AFF3: variants seen among roughly 807,000 people sequenced by gnomAD.
AFF3 encodes the protein ALF transcription elongation factor 3.
In AFF3, 32 loss-of-function variants were observed where a neutral mutation model predicts 129.7. That is an observed-to-expected ratio of 0.25 (90% CI 0.19 to 0.33). AFF3 has a LOEUF of 0.33. Among genes scored for constraint, AFF3 ranks in the 10% least tolerant of loss-of-function variants. AFF3 has a pLI of 1.00. For missense variants in AFF3, 1,373 were observed against 1,592.0 expected (o/e 0.86, Z 2.34); for synonymous variants, 644 against 635.4 (o/e 1.01, Z -0.20).
rs2104454536 is a variant in AFF3 at position 99,551,194 on chromosome 2, G to A, written c.*280C>T. 1 of 539,216 alleles carries A rather than the reference G, an allele frequency of 1.9e-6. No homozygotes were observed. The highest frequency in any genetic ancestry group is 3.3e-6 in the Non-Finnish European group (1 of 302,142). The allele number at this position is 539,216 out of a possible 1,614,324, so 33.4% of individuals were successfully genotyped here. On this transcript the variant is annotated 3_prime_UTR_variant, in exon 25 of 25. Transcript: ENST00000672756. ...TGTGTGTGTGTGTGTACTTCCTCTA[G>A]TCAGAAACCTCTGATCACTTTGTCT...
At chr2:100,043,008 G>A (rs1378061613) in intron 4 of AFF3, among the ~76,000 whole-genome samples, 1 of 151,980 alleles carries the variant, frequency 6.6e-6, no homozygotes, top group Non-Finnish European at 1.5e-5. Flanking sequence ...ATGGATGCAG[G>A]TAAGACACAA....
chr2:100,046,311 C>T (rs187702611), intron 4 of AFF3, among the ~76,000 whole-genome samples: 4 of 152,290 alleles, frequency 2.6e-5, no homozygotes, highest in African/African-American at 7.2e-5. Context: ...AGCTAGTCAG[C>T]GGTAACATCA....
intron 10 of AFF3, among the ~76,000 whole-genome samples, chr2:99,739,552 A>G (rs187527775): frequency 1.3e-5 from 2 of 152,296 alleles, no homozygotes; most frequent in Admixed American, 1.3e-4. Flanking sequence ...AAGTATCTCA[A>G]TGCTTAATAA....
At chr2:100,060,968 C>G (rs182507702) in intron 4 of AFF3, among the ~76,000 whole-genome samples, 4 of 152,208 alleles carry the variant, frequency 2.6e-5, no homozygotes, top group African/African-American at 9.7e-5. Context: ...TCTTGAGGAA[C>G]ACTGCCAGGC....
chr2:99,836,172 A>G (rs1688859096), intron 8 of AFF3, among the ~76,000 whole-genome samples: 1 of 152,162 alleles, frequency 6.6e-6, no homozygotes, highest in Non-Finnish European at 1.5e-5. Context: ...ACTTAGGGAA[A>G]CCAAAGAGGG....
chr2:99,785,844 T>C (rs928993699), intron 8 of AFF3, among the ~76,000 whole-genome samples: 2 of 151,868 alleles, frequency 1.3e-5, no homozygotes, highest in Admixed American at 6.6e-5. Flanking sequence ...GCCTCCCGGG[T>C]TCAAGCGATT....
At chr2:99,938,436 G>A (rs536554843) in intron 7 of AFF3, among the ~76,000 whole-genome samples, 31 of 151,898 alleles carry the variant, frequency 2.0e-4, no homozygotes, top group African/African-American at 7.2e-4. Flanking sequence ...CACAGTCGAT[G>A]ATGATGATGA....
At chr2:99,770,744 C>T (rs1002881796) in intron 8 of AFF3, among the ~76,000 whole-genome samples, 11 of 152,150 alleles carry the variant, frequency 7.2e-5, no homozygotes, top group African/African-American at 2.4e-4. Flanking sequence ...GGCAGTGTCT[C>T]CTTCTGGCCC....
At chr2:99,709,859 T>C (rs976362680) in intron 11 of AFF3, among the ~76,000 whole-genome samples, 7 of 152,230 alleles carry the variant, frequency 4.6e-5, no homozygotes, top group African/African-American at 1.7e-4. Flanking sequence ...AAGCAGATTT[T>C]CAAATGAAAT....
At chr2:100,040,878 A>C (rs1685371014) in intron 4 of AFF3, among the ~76,000 whole-genome samples, 1 of 152,238 alleles carries the variant, frequency 6.6e-6, no homozygotes, top group African/African-American at 2.4e-5. Context: ...AGGAGGCCAC[A>C]GGGCATATCA....
chr2:100,096,453 C>T (rs1022454775), intron 4 of AFF3, among the ~76,000 whole-genome samples: 20 of 151,972 alleles, frequency 1.3e-4, no homozygotes, highest in Non-Finnish European at 2.5e-4. Context: ...TAAACGCAAC[C>T]GTCAAGCTTT....
At chr2:99,997,950 C>G (rs1335783016) in intron 7 of AFF3, among the ~76,000 whole-genome samples, 1 of 152,180 alleles carries the variant, frequency 6.6e-6, no homozygotes, top group African/African-American at 2.4e-5. Context: ...CACCCTCCAC[C>G]CCCATGGGCA....
chr2:99,962,850 A>AAATAATAAT lies in AFF3; in HGVS notation c.873+43773_873+43781dup, dbSNP rs70940192. On this transcript the variant is annotated intron_variant, in intron 7 of 24. Coordinates refer to ENST00000672756, the MANE Select transcript of AFF3 (RefSeq NM_001386135.1). ...GGAAAGTATGGATGAAAGAGTATTC[A>AAATAATAAT]AATAATAATAATAATAATAATAATA... 3.4e-3 allele frequency among the ~76,000 whole-genome samples: 482 copies of AAATAATAAT among 142,054 alleles called. 2 individuals carry two copies. The highest frequency in any genetic ancestry group is 4.5e-3 in the Non-Finnish European group (294 of 65,674). 93.2% of individuals were successfully genotyped at this position (142,054 alleles called of 152,430 possible).
intron 11 of AFF3, among the ~76,000 whole-genome samples, chr2:99,721,979 T>C (rs1002133894): frequency 6.6e-6 from 1 of 152,226 alleles, no homozygotes; most frequent in African/African-American, 2.4e-5. Context: ...CTTTATTCTG[T>C]TTTTCACATT....
chr2:99,625,556 CAGG>C (rs1470173367), intron 13 of AFF3, among the ~76,000 whole-genome samples: 1 of 152,110 alleles, frequency 6.6e-6, no homozygotes, highest in African/African-American at 2.4e-5. Context: ...AAACCATGTG[CAGG>C]AGATTTCCTG....
intron 8 of AFF3, among the ~76,000 whole-genome samples, chr2:99,796,294 AAT>A (rs1685552397): frequency 6.6e-6 from 1 of 152,214 alleles, no homozygotes; most frequent in Non-Finnish European, 1.5e-5. Flanking sequence ...CTGACATATG[AAT>A]ACACTGTGCT....
intron 4 of AFF3, among the ~76,000 whole-genome samples, chr2:100,036,119 T>C (rs1332228212): frequency 8.6e-6 from 1 of 116,606 alleles, no homozygotes; most frequent in Non-Finnish European, 1.7e-5. Context: ...TGCCAAGTTC[T>C]GAAAAATACA....
chr2:99,847,966 A>G (rs1396655478), intron 7 of AFF3, among the ~76,000 whole-genome samples: 1 of 152,166 alleles, frequency 6.6e-6, no homozygotes, highest in Admixed American at 6.5e-5. Flanking sequence ...ACAGTTGTAC[A>G]AAACAAAAGG....
intron 7 of AFF3, among the ~76,000 whole-genome samples, chr2:99,944,018 G>A (rs1302393308): frequency 6.6e-6 from 1 of 151,860 alleles, no homozygotes; most frequent in Non-Finnish European, 1.5e-5. Flanking sequence ...TCCTACCTCA[G>A]TCTCCCAAGT....
Sources: allele counts gnomAD v4.1 joint callset (sites outside exome capture counted in the v4.1 genomes callset), GRCh38; gene constraint gnomAD v4.1.1; transcripts MANE v1.5; gene names NCBI Gene and HGNC (gene_info 2026-07-23, HGNC 2026-07-21).